IRAK2: variants seen among roughly 807,000 people sequenced by gnomAD.
The protein encoded by IRAK2 is interleukin 1 receptor associated kinase 2, also known as interleukin-1 receptor-associated kinase-like 2.
A neutral mutation model predicts 72.0 loss-of-function variants in IRAK2; 57 were observed. The ratio of observed to expected loss-of-function variants is 0.79; its 90% CI spans 0.64 to 0.99. The LOEUF (loss-of-function observed/expected upper bound fraction) is 0.99, where lower values mean the gene tolerates loss of function less well. IRAK2 is among the 50% of genes least tolerant of loss of function. IRAK2 has a pLI of 0.00. For missense variants in IRAK2, 790 were observed against 794.4 expected (o/e 0.99, Z 0.07); for synonymous variants, 293 against 312.7 (o/e 0.94, Z 0.67).
intron 6 of IRAK2, among the ~76,000 whole-genome samples, chr3:10,215,163 G>C (rs754157834): frequency 6.6e-6 from 1 of 152,026 alleles, no homozygotes; most frequent in Non-Finnish European, 1.5e-5. Flanking sequence ...GAGGTGGGCA[G>C]ATCAGTTGAG....
At chr3:10,165,981 G>GGCCTCC (rs1338861117) in intron 1 of IRAK2, among the ~76,000 whole-genome samples, 1 of 151,826 alleles carries the variant, frequency 6.6e-6, no homozygotes, top group Admixed American at 6.6e-5. Flanking sequence ...GCCCACCCTG[G>GGCCTCC]GCCTCCCAAA....
At chr3:10,167,865 T>G (rs963959242) in intron 1 of IRAK2, among the ~76,000 whole-genome samples, 2 of 152,220 alleles carry the variant, frequency 1.3e-5, no homozygotes, top group Non-Finnish European at 2.9e-5. Flanking sequence ...TGTGCAGTGG[T>G]GCAAATGTAG....
Position 10,198,008 on chromosome 3 carries a change from G to A in IRAK2, c.278-2361G>A, listed in dbSNP as rs541606888. Among the ~76,000 whole-genome samples the A allele has an allele frequency of 1.3e-4, 19 of 151,328 alleles. No homozygotes were observed. The South Asian group carries it at 4.0e-3, about 32-fold the overall frequency. On this transcript the variant is annotated intron_variant, in intron 2 of 12. Transcript: ENST00000256458. ...ACGTCAGGAGATCGAGACCATCCTGGCTAACACAGTGAAACCCTGTCTCTA... is the reference window on the plus strand; with the variant it reads ...ACGTCAGGAGATCGAGACCATCCTGACTAACACAGTGAAACCCTGTCTCTA...
chr3:10,188,367 C>T (rs982705148), intron 2 of IRAK2, among the ~76,000 whole-genome samples: 79 of 152,312 alleles, frequency 5.2e-4, no homozygotes, highest in Middle Eastern at 3.4e-3. Flanking sequence ...TGGAGTCTCA[C>T]GCTGTCACCT....
At chr3:10,187,862 G>T (rs924553832) in intron 2 of IRAK2, among the ~76,000 whole-genome samples, 1 of 152,154 alleles carries the variant, frequency 6.6e-6, no homozygotes, top group African/African-American at 2.4e-5. Context: ...GAACCTAGGG[G>T]GTCAGAGGCA....
chr3:10,215,292 G>A (rs1438871102), intron 6 of IRAK2, among the ~76,000 whole-genome samples: 2 of 150,946 alleles, frequency 1.3e-5, no homozygotes, highest in East Asian at 1.9e-4. Flanking sequence ...TACTCAGGAG[G>A]CTGAGGCATG....
chr3:10,218,492 A>C (rs1228019831), intron 7 of IRAK2, among the ~76,000 whole-genome samples: 1 of 151,862 alleles, frequency 6.6e-6, no homozygotes, highest in Non-Finnish European at 1.5e-5. Flanking sequence ...TTAGAACAAC[A>C]GTGGGAGCAA....
intron 6 of IRAK2, among the ~76,000 whole-genome samples, chr3:10,215,393 C>CAAAAAAAAAAAA (rs562788691): frequency 1.3e-5 from 1 of 79,570 alleles, no homozygotes; most frequent in African/African-American, 4.6e-5. Context: ...GACTCTGTCT[C>CAAAAAAAAAAAA]AAAAAAAAAA....
chr3:10,222,714 G>T lies in IRAK2; in HGVS notation c.1092G>T (p.Arg364Ser), dbSNP rs1697714986. 6.2e-7 allele frequency: 1 copy of T among 1,614,042 alleles called. No individual in the cohort carries two copies. Among genetic ancestry groups the T allele is most frequent in the Non-Finnish European group, 8.5e-7 (1 of 1,180,040 alleles). The change falls in exon 9 of 13, where the codon AGG becomes AGT. Residue 364 changes from arginine to serine, a missense_variant. Physicochemically the swap from Arg to Ser is moderately radical, Grantham distance 110 (BLOSUM62 -1). Coordinates refer to ENST00000256458, the MANE Select transcript of IRAK2 (RefSeq NM_001570.4). ...PMAHLCPVNK[R>S]SKYTMMKTHL... The stretch of plus-strand genomic sequence containing the variant: ...CTCATCTGTGTCCTGTCAACAAAAG[G>T]TCAAAATACACCATGATGAAGACTC...
At chr3:10,187,920 T>C (rs553466768) in intron 2 of IRAK2, among the ~76,000 whole-genome samples, 16 of 152,278 alleles carry the variant, frequency 1.1e-4, no homozygotes, top group Non-Finnish European at 2.1e-4. Context: ...AGTCTGTTTC[T>C]GGGGCTAGGG....
chr3:10,191,230 G>A (rs1029361578), intron 2 of IRAK2, among the ~76,000 whole-genome samples: 3 of 151,734 alleles, frequency 2.0e-5, no homozygotes, highest in Non-Finnish European at 4.4e-5. Flanking sequence ...GGGAGGCGGA[G>A]CTTGCAGTGA....
chr3:10,220,660 C>T (rs562229990), intron 8 of IRAK2, among the ~76,000 whole-genome samples: 2 of 152,186 alleles, frequency 1.3e-5, no homozygotes, highest in Admixed American at 6.5e-5. Context: ...AGGCTAGTGT[C>T]GAACTCCTGA....
intron 7 of IRAK2, 60 bp downstream of exon 7, chr3:10,217,108 G>C: frequency 5.5e-6 from 7 of 1,262,640 alleles, no homozygotes; most frequent in Non-Finnish European, 8.1e-6. Flanking sequence ...ATGGGGTCAA[G>C]GGTTAAGGAC....
rs888435840 is a variant in IRAK2 at position 10,195,762 on chromosome 3, G to A, written c.278-4607G>A. Reference sequence around the variant, plus strand: ...TGTTGCGGGCCTGGCCTCTGCAGGAGGTCACTGTTGGGAAGTGACTTCAGC... The same window carrying A: ...TGTTGCGGGCCTGGCCTCTGCAGGAAGTCACTGTTGGGAAGTGACTTCAGC... On this transcript the variant is annotated intron_variant, in intron 2 of 12. Coordinates refer to ENST00000256458, the MANE Select transcript of IRAK2 (RefSeq NM_001570.4). 2.0e-5 allele frequency among the ~76,000 whole-genome samples: 3 copies of A among 152,256 alleles called. No homozygotes were observed. The South Asian group carries it at 6.2e-4, about 32-fold the overall frequency.
intron 2 of IRAK2, among the ~76,000 whole-genome samples, chr3:10,180,701 G>T (rs189607060): frequency 2.0e-4 from 30 of 152,230 alleles, no homozygotes; most frequent in African/African-American, 7.0e-4. Flanking sequence ...CTTCCAGGAG[G>T]GGGGACTGGG....
At chr3:10,169,475 T>A (rs949661803) in intron 1 of IRAK2, among the ~76,000 whole-genome samples, 1 of 152,204 alleles carries the variant, frequency 6.6e-6, no homozygotes, top group African/African-American at 2.4e-5. Context: ...TTATCAATTA[T>A]TAATATTCCT....
intron 1 of IRAK2, among the ~76,000 whole-genome samples, chr3:10,175,936 G>A (rs1157278678): frequency 6.7e-6 from 1 of 148,724 alleles, no homozygotes; most frequent in Non-Finnish European, 1.5e-5. Flanking sequence ...AATCTTACCT[G>A]CAGCGTGGCA....
chr3:10,200,240 G>A (rs565683337), intron 2 of IRAK2, 129 bp from the exon 3 acceptor site: 7 of 779,524 alleles, frequency 9.0e-6, no homozygotes, highest in East Asian at 2.6e-5. Flanking sequence ...AGACCCTCCC[G>A]CCCTGCAACA....
At chr3:10,183,831 C>T (rs986047916) in intron 2 of IRAK2, among the ~76,000 whole-genome samples, 1 of 152,240 alleles carries the variant, frequency 6.6e-6, no homozygotes, top group Non-Finnish European at 1.5e-5. Context: ...TGGCCAGAGT[C>T]AGCCCCTTTT....
Sources: gnomAD v4.1 joint callset for allele counts (sites outside exome capture counted in the v4.1 genomes callset) on GRCh38, gnomAD v4.1.1 for gene constraint, MANE v1.5 for transcripts, NCBI Gene and HGNC (gene_info 2026-07-23, HGNC 2026-07-21) for gene names.